Variants in NXN observed in about 807,000 individuals in gnomAD.
The protein encoded by NXN is nucleoredoxin 1.
In NXN, 16 loss-of-function variants were observed where a neutral mutation model predicts 48.6. The ratio of observed to expected loss-of-function variants is 0.33; its 90% CI spans 0.22 to 0.50. The LOEUF is 0.50. NXN is among the 20% of genes least tolerant of loss of function. The probability of loss-of-function intolerance (pLI) is 0.98; values close to 1 mark genes in which losing one functional copy is unlikely to be tolerated. For missense variants in NXN, 492 were observed against 605.5 expected (o/e 0.81, Z 1.97); for synonymous variants, 281 against 269.6 (o/e 1.04, Z -0.41).
At chr17:844,511 G>T (rs920191601) in intron 1 of NXN, among the ~76,000 whole-genome samples, 1 of 152,248 alleles carries the variant, frequency 6.6e-6, no homozygotes, top group African/African-American at 2.4e-5. Flanking sequence ...CGCATGTGAA[G>T]GCCAATGAAA....
intron 1 of NXN, among the ~76,000 whole-genome samples, chr17:937,289 G>C (rs925047836): frequency 1.2e-4 from 18 of 152,182 alleles, no homozygotes; most frequent in African/African-American, 4.3e-4. Flanking sequence ...AGGAGGGCAG[G>C]GGGCAAGGTG....
At chr17:810,135 C>T (rs796099867) in intron 5 of NXN, among the ~76,000 whole-genome samples, 5,534 of 85,786 alleles carry the variant, frequency 0.065, 386 homozygotes, top group Middle Eastern at 0.15. Context: ...GTGGCGTGCA[C>T]GTTACGAGTC....
chr17:932,937 C>CGT lies in NXN; in HGVS notation c.360+46381_360+46382insAC, dbSNP rs2068869910. On this transcript the variant is annotated intron_variant, in intron 1 of 7. Transcript: ENST00000336868. The surrounding 1 kb of genome is among the most constrained non-coding windows in gnomAD (Gnocchi z 4.1). ...TACTGGGATTCCAGGCGTGAGCCACCGCGCCCAGCCCAGCCCGTCCTCTTG... is the reference window on the plus strand; with the variant it reads ...TACTGGGATTCCAGGCGTGAGCCACCGTGCGCCCAGCCCAGCCCGTCCTCTTG... Among the ~76,000 whole-genome samples the CGT allele has an allele frequency of 7.1e-6, 1 of 141,006 alleles. No individual in the cohort carries two copies. Among genetic ancestry groups the CGT allele is most frequent in the Non-Finnish European group, 1.6e-5 (1 of 61,516 alleles). 92.5% of individuals were successfully genotyped at this position (141,006 alleles called of 152,430 possible). A position where few individuals can be genotyped will look rare whatever the true frequency, so the allele number is the denominator to read the frequency against.
chr17:810,506 C>T (rs1382288609), intron 5 of NXN, among the ~76,000 whole-genome samples: 5 of 152,194 alleles, frequency 3.3e-5, no homozygotes, highest in Admixed American at 1.3e-4. Flanking sequence ...GATGGGATGA[C>T]AAACACCAAC....
At chr17:957,565 T>G (rs57669402) in intron 1 of NXN, among the ~76,000 whole-genome samples, 5,418 of 150,142 alleles carry the variant, frequency 0.036, 311 homozygotes, top group African/African-American at 0.12. Flanking sequence ...ACGGGAGGTG[T>G]AGGTTGCAGT....
In NXN at chr17:849,626, C is replaced by A. The variant is rs1264150968; in HGVS notation, c.361-23548G>T. On this transcript the variant is annotated intron_variant, in intron 1 of 7. Coordinates refer to ENST00000336868, the MANE Select transcript of NXN (RefSeq NM_022463.5). The surrounding 1 kb of genome is among the most constrained non-coding windows in gnomAD (Gnocchi z 4.2). ...GGGCCGCTGGACTCCCTCTTCCCTC[C>A]CTCCACGTCCTTGTCCTCTGGCGGC... is the stretch of plus-strand genomic sequence containing the variant. Among the ~76,000 whole-genome samples, 1 of 152,232 alleles carries A rather than the reference C, an allele frequency of 6.6e-6. No homozygotes were observed. Among genetic ancestry groups the A allele is most frequent in the East Asian group, 1.9e-4 (1 of 5,190 alleles).
Position 979,670 on chromosome 17 carries a change from G to A in NXN, c.9C>T (p.Gly3=). 6.8e-7 allele frequency: 1 copy of A among 1,464,996 alleles called. No individual in the cohort carries two copies. Among genetic ancestry groups the A allele is most frequent in the Non-Finnish European group, 9.0e-7 (1 of 1,107,006 alleles). The allele number at this position is 1,464,996 out of a possible 1,614,324, so 90.7% of individuals were successfully genotyped here. A position where few individuals can be genotyped will look rare whatever the true frequency, so the allele number is the denominator to read the frequency against. The change falls in exon 1 of 8, where the codon GGC becomes GGT. Residue 3 remains glycine, a synonymous_variant. Coordinates refer to ENST00000336868, the MANE Select transcript of NXN (RefSeq NM_022463.5). ...TCTCGCCGAGCAGCTCCTCCAGGAAGCCCGACATCCTGGCCCACCGCAGGG... is the reference window on the plus strand; with the variant it reads ...TCTCGCCGAGCAGCTCCTCCAGGAAACCCGACATCCTGGCCCACCGCAGGG... MS[G]FLEELLGEKL... is the part of the protein sequence containing the mutation.
intron 1 of NXN, chr17:959,493 G>GGA (rs1555520623): frequency 1.4e-5 from 2 of 147,830 alleles, no homozygotes; most frequent in Non-Finnish European, 1.5e-5. Context: ...TCAGAAGTGA[G>GGA]AAAAAAAAAA....
chr17:854,992 G>C (rs1292703978), intron 1 of NXN, among the ~76,000 whole-genome samples: 2 of 151,512 alleles, frequency 1.3e-5, no homozygotes, highest in African/African-American at 4.8e-5. Flanking sequence ...TTTTTATATA[G>C]AAGCTGAGTG....
intron 1 of NXN, among the ~76,000 whole-genome samples, chr17:910,140 G>C (rs927823415): frequency 3.3e-5 from 5 of 152,112 alleles, no homozygotes; most frequent in African/African-American, 4.8e-5. Flanking sequence ...GGCCAGGCCT[G>C]GCAGCTCACG....
chr17:851,962 C>G (rs926794543), intron 1 of NXN, among the ~76,000 whole-genome samples: 10 of 152,204 alleles, frequency 6.6e-5, no homozygotes, highest in Non-Finnish European at 1.5e-4. Flanking sequence ...CTGATCTAAC[C>G]AGAGACTTGA....
At position 932,212 on chromosome 17, in the gene NXN, G is replaced by A. The variant is rs1412097356; in HGVS notation, c.360+47107C>T. Among the ~76,000 whole-genome samples, 2 of 152,156 alleles carry A rather than the reference G, an allele frequency of 1.3e-5. No individual in the cohort carries two copies. The highest frequency in any genetic ancestry group is 2.4e-5 in the African/African-American group (1 of 41,428). On this transcript the variant is annotated intron_variant, in intron 1 of 7. Transcript: ENST00000336868. The surrounding 1 kb of genome is among the most constrained non-coding windows in gnomAD (Gnocchi z 4.1). ...TGGAATCCTGGAAAAAAAAGCTAAG[G>A]CAAAGCTGATCTGAAGAGTCTGTCT...
rs1302939739 is a variant in NXN, at chr17:841,389, ACGCCGGCGAGCAGGTCCCCCCTGAC to A, written c.361-15336_361-15312del. On this transcript the variant is annotated intron_variant, in intron 1 of 7. Coordinates refer to ENST00000336868, the MANE Select transcript of NXN (RefSeq NM_022463.5). ...GAGCAGCCCACACACGGTGCATCTC[ACGCCGGCGAGCAGGTCCCCCCTGAC>A]CACGGCGCATCTCACACGGGCGAGC... Among the ~76,000 whole-genome samples, 113 of 150,176 alleles carry A rather than the reference ACGCCGGCGAGCAGGTCCCCCCTGAC, an allele frequency of 7.5e-4. 11 individuals are homozygous for A. The highest frequency in any genetic ancestry group is 2.8e-3 in the South Asian group (13 of 4,624).
At chr17:870,939 A>G (rs2068145914) in intron 1 of NXN, among the ~76,000 whole-genome samples, 1 of 151,914 alleles carries the variant, frequency 6.6e-6, no homozygotes, top group South Asian at 2.1e-4. Context: ...GTTCACTACA[A>G]GCTCCGCCTC....
chr17:867,652 G>A (rs2068107395), intron 1 of NXN, among the ~76,000 whole-genome samples: 1 of 152,164 alleles, frequency 6.6e-6, no homozygotes, highest in Non-Finnish European at 1.5e-5. Flanking sequence ...ACAGGCCAGC[G>A]TGGTGGCTCT....
intron 1 of NXN, among the ~76,000 whole-genome samples, chr17:856,777 C>T (rs2067990945): frequency 6.6e-6 from 1 of 152,068 alleles, no homozygotes; most frequent in South Asian, 2.1e-4. Context: ...GCCGGCCACG[C>T]CCAGCCTACT....
chr17:855,142 G>A (rs565912709), intron 1 of NXN, among the ~76,000 whole-genome samples: 22 of 152,082 alleles, frequency 1.4e-4, no homozygotes, highest in Non-Finnish European at 2.8e-4. Context: ...TGGGTGTGGT[G>A]GAGCAAACCG....
chr17:957,817 C>T (rs576756692), intron 1 of NXN, among the ~76,000 whole-genome samples: 1 of 152,070 alleles, frequency 6.6e-6, no homozygotes, highest in East Asian at 1.9e-4. Flanking sequence ...TCAGTCCAAG[C>T]CCAGACCCGA....
chr17:818,135 C>A (rs939834050), intron 5 of NXN, among the ~76,000 whole-genome samples: 1 of 151,938 alleles, frequency 6.6e-6, no homozygotes, highest in Non-Finnish European at 1.5e-5. Context: ...GTGGTGTGCA[C>A]CTGTAGTCCC....
Sources: allele counts gnomAD v4.1 joint callset (sites outside exome capture counted in the v4.1 genomes callset), GRCh38; gene constraint gnomAD v4.1.1; non-coding constraint Gnocchi (gnomAD v3.1); transcripts MANE v1.5; gene names NCBI Gene and HGNC (gene_info 2026-07-23, HGNC 2026-07-21).